The following OR5H15 variants were observed in gnomAD, a reference collection of about 807,000 sequenced individuals.
The protein encoded by OR5H15 is olfactory receptor 5H15.
For synonymous variants in OR5H15, 153 were observed against 129.1 expected (o/e 1.19, Z -1.26); for missense variants, 405 against 366.1 (o/e 1.11, Z -0.87).
At position 98,168,606 on chromosome 3, in the gene OR5H15, T is replaced by C. The variant is rs72933943; in HGVS notation, c.-18-76T>C. The stretch of plus-strand genomic sequence containing the variant: ...GGGTTCTGATCATTTTAGGGTTTAT[T>C]TCAACATCTCTTCCCCAATTTCAAC... On this transcript the variant is annotated intron_variant, in intron 1 of 1. Coordinates refer to ENST00000641450, the MANE Select transcript of OR5H15 (RefSeq NM_001005515.2). 9,636 of 1,515,554 alleles carry C rather than the reference T, an allele frequency of 6.4e-3. 401 individuals are homozygous for C. In the African/African-American group the frequency reaches 0.098, roughly 15 times the overall value. The allele number at this position is 1,515,554 out of a possible 1,614,324, so 93.9% of individuals were successfully genotyped here.
At position 98,169,489 on chromosome 3, in the gene OR5H15, T is replaced by C. The variant is rs1207092250; in HGVS notation, c.790T>C (p.Ser264Pro). The change falls in exon 2 of 2, where the codon TCT (serine) becomes CCT (proline). Residue 264 changes from serine to proline, a missense_variant. Transcript: ENST00000641450. ...TCTCTTAATGTATGTGGGCCCTGCA[T>C]CTCCGCAAGCAGATGGTCAAAATAT... ...PLLLMYVGPA[S>P]PQADGQNMVE... 1.2e-6 allele frequency: 2 copies of C among 1,613,604 alleles called. No homozygotes were observed. Among genetic ancestry groups the C allele is most frequent in the Non-Finnish European group, 1.7e-6 (2 of 1,179,692 alleles).
At chr3:98,168,285 C>A (rs1249664455) in intron 1 of OR5H15, among the ~76,000 whole-genome samples, 4 of 151,988 alleles carry the variant, frequency 2.6e-5, no homozygotes, top group Admixed American at 6.6e-5. Flanking sequence ...ATTTTTGGTA[C>A]ATGCTTAACG....
At chr3:98,166,871 T>C (rs1351332932) in intron 1 of OR5H15, 40 bp downstream of exon 1, 1 of 152,314 alleles carries the variant, frequency 6.6e-6, no homozygotes, top group South Asian at 2.1e-4. Flanking sequence ...TTATGCCTTA[T>C]AGAAATGTTG....
At position 98,169,166 on chromosome 3, in the gene OR5H15, C is replaced by T; in HGVS notation, c.467C>T (p.Ala156Val). 1.2e-6 allele frequency: 2 copies of T among 1,613,448 alleles called. No individual in the cohort carries two copies. Among genetic ancestry groups the T allele is most frequent in the Non-Finnish European group, 1.7e-6 (2 of 1,179,638 alleles). Reference protein sequence around the residue: ...ILSYIAGILHALIHEGFLFRL... With the variant: ...ILSYIAGILHVLIHEGFLFRL... ...TCATATATAGCTGGTATTCTTCATGCTTTAATCCATGAAGGATTTTTATTC... is the reference window on the plus strand; with the variant it reads ...TCATATATAGCTGGTATTCTTCATGTTTTAATCCATGAAGGATTTTTATTC... Residue 156 changes from alanine (A) to valine (V), a missense_variant, in exon 2 of 2, where the codon GCT becomes GTT. Transcript: ENST00000641450.
Position 98,169,019 on chromosome 3 carries a change from G to T in OR5H15, c.320G>T (p.Gly107Val). The T allele has an allele frequency of 6.2e-7, 1 of 1,613,588 alleles. No homozygotes were observed. The highest frequency in any genetic ancestry group is 1.1e-5 in the South Asian group (1 of 91,062). Residue 107 changes from glycine (G) to valine (V), a missense_variant, in exon 2 of 2, where the codon GGC becomes GTC. Physicochemically the swap from Gly to Val is moderately radical, Grantham distance 109. Transcript: ENST00000641450. ...CKIQFFSIAI[G>V]VTTECFLLAT... is the part of the protein sequence containing the mutation. ...ATACAATTTTTTTCCATTGCAATTG[G>T]CGTAACCACAGAATGTTTTCTCTTG...
chr3:98,167,312 A>G (rs912262656), intron 1 of OR5H15, among the ~76,000 whole-genome samples: 17 of 152,074 alleles, frequency 1.1e-4, no homozygotes, highest in African/African-American at 3.9e-4. Flanking sequence ...TAAAGGTTGC[A>G]TTAAGTAGAG....
chr3:98,169,410 C>A lies in OR5H15; in HGVS notation c.711C>A (p.Ala237=). The A allele has an allele frequency of 1.2e-6, 2 of 1,613,540 alleles. No individual in the cohort carries two copies. The highest frequency in any genetic ancestry group is 1.7e-6 in the Non-Finnish European group (2 of 1,179,690). ...EKKSDKGVRK[A]FSTCGAHLFS... The stretch of plus-strand genomic sequence containing the variant: ...AATCTGATAAGGGTGTAAGGAAAGC[C>A]TTTTCCACCTGTGGAGCCCATCTCT... The change falls in exon 2 of 2, where the codon GCC becomes GCA. Residue 237 remains alanine (A), a synonymous_variant. Transcript: ENST00000641450.
chr3:98,167,920 T>G (rs368461417), intron 1 of OR5H15, among the ~76,000 whole-genome samples: 1 of 152,118 alleles, frequency 6.6e-6, no homozygotes, highest in Admixed American at 6.6e-5. Flanking sequence ...CTAGAGACTC[T>G]ACATTCTGAA....
rs145668436 is a variant in OR5H15 at position 98,169,327 on chromosome 3, A to G, written c.628A>G (p.Ser210Gly). 9.9e-6 allele frequency: 16 copies of G among 1,612,370 alleles called. No homozygotes were observed. In the African/African-American group the frequency reaches 2.0e-4, roughly 20 times the overall value. Residue 210 changes from serine (S) to glycine (G), a missense_variant, in exon 2 of 2, where the codon AGC becomes GGC. Ser to Gly is a moderately conservative substitution (Grantham distance 56). Coordinates refer to ENST00000641450, the MANE Select transcript of OR5H15 (RefSeq NM_001005515.2). ...FIFSGSIQVF[S>G]IVTILISYTF... ...TTTCTCAGGTTCAATTCAGGTATTCAGCATTGTGACTATTCTTATATCTTA... is the reference window on the plus strand; with the variant it reads ...TTTCTCAGGTTCAATTCAGGTATTCGGCATTGTGACTATTCTTATATCTTA...
intron 1 of OR5H15, among the ~76,000 whole-genome samples, chr3:98,167,944 AT>A (rs1207632430): frequency 1.3e-5 from 2 of 152,052 alleles, no homozygotes; most frequent in African/African-American, 2.4e-5. Context: ...CTTAGAATCT[AT>A]TTATTTGTTT....
rs72487747 is a variant in OR5H15, at chr3:98,167,272, C to T, written c.-19+441C>T. Among the ~76,000 whole-genome samples the T allele has an allele frequency of 9.2e-5, 14 of 152,190 alleles. No individual in the cohort carries two copies. In the East Asian group the frequency reaches 2.3e-3, roughly 25 times the overall value. On this transcript the variant is annotated intron_variant, in intron 1 of 1. Coordinates refer to ENST00000641450, the MANE Select transcript of OR5H15 (RefSeq NM_001005515.2). Reference sequence around the variant, plus strand: ...AAACCCATGTTTGTCAATAATTTGACAGCTCACACTGTAAGTGTATTGATA... The same window carrying T: ...AAACCCATGTTTGTCAATAATTTGATAGCTCACACTGTAAGTGTATTGATA...
chr3:98,167,377 TTCTC>T (rs66733083), intron 1 of OR5H15, among the ~76,000 whole-genome samples: 38,465 of 149,160 alleles, frequency 0.26, 5,265 homozygotes, highest in African/African-American at 0.33. Flanking sequence ...GTCCCTGTAC[TTCTC>T]TCTCTCTCTC....
chr3:98,167,751 A>G (rs1006747458), intron 1 of OR5H15, among the ~76,000 whole-genome samples: 1 of 152,068 alleles, frequency 6.6e-6, no homozygotes, highest in Non-Finnish European at 1.5e-5. Flanking sequence ...ATAGGCTCAT[A>G]TTATGATCGG....
chr3:98,168,288 G>A (rs193120602), intron 1 of OR5H15, among the ~76,000 whole-genome samples: 12 of 152,066 alleles, frequency 7.9e-5, no homozygotes. Flanking sequence ...TTTGGTACAT[G>A]CTTAACGTAT....
At position 98,169,518 on chromosome 3, in the gene OR5H15, G is replaced by A; in HGVS notation, c.819G>A (p.Val273=). 6.2e-7 allele frequency: 1 copy of A among 1,613,304 alleles called. No homozygotes were observed. Among genetic ancestry groups the A allele is most frequent in the South Asian group, 1.1e-5 (1 of 91,060 alleles). The change falls in exon 2 of 2, where the codon GTG becomes GTA. Residue 273 remains valine, a synonymous_variant. Transcript: ENST00000641450. ...ASPQADGQNM[V]EPLFYTVIIP... is the part of the protein sequence containing the mutation. The stretch of plus-strand genomic sequence containing the variant: ...CGCAAGCAGATGGTCAAAATATGGT[G>A]GAGCCTCTATTCTACACTGTCATCA...
At position 98,169,434 on chromosome 3, in the gene OR5H15, C is replaced by A. The variant is rs143813884; in HGVS notation, c.735C>A (p.Leu245=). 36 of 1,613,476 alleles carry A rather than the reference C, an allele frequency of 2.2e-5. No individual in the cohort carries two copies. The African/African-American group carries it at 4.7e-4, about 21-fold the overall frequency. The change falls in exon 2 of 2, where the codon CTC becomes CTA. Residue 245 remains leucine (L), a synonymous_variant. Coordinates refer to ENST00000641450, the MANE Select transcript of OR5H15 (RefSeq NM_001005515.2). ...CCTTTTCCACCTGTGGAGCCCATCT[C>A]TTCTCTGTCTGTTTATACTATGGCC... ...RKAFSTCGAH[L]FSVCLYYGPL...
At chr3:98,167,899 G>A (rs937504474) in intron 1 of OR5H15, among the ~76,000 whole-genome samples, 1 of 151,968 alleles carries the variant, frequency 6.6e-6, no homozygotes, top group Non-Finnish European at 1.5e-5. Flanking sequence ...TACAAAATAT[G>A]TCACAGAATA....
intron 1 of OR5H15, 108 bp from the exon 2 acceptor site, chr3:98,168,574 A>T: frequency 8.0e-7 from 1 of 1,250,774 alleles, no homozygotes; most frequent in Non-Finnish European, 1.1e-6. Context: ...TGATCAAAAA[A>T]TTGAGAGGGT....
Position 98,169,330 on chromosome 3 carries a change from A to G in OR5H15, c.631A>G (p.Ile211Val), listed in dbSNP as rs200887132. The G allele has an allele frequency of 4.7e-5, 76 of 1,612,576 alleles. No homozygotes were observed. Among genetic ancestry groups the G allele is most frequent in the Non-Finnish European group, 6.0e-5 (71 of 1,179,074 alleles). The change falls in exon 2 of 2, where the codon ATT becomes GTT. Residue 211 changes from isoleucine to valine, a missense_variant. Physicochemically the swap from Ile to Val is conservative, Grantham distance 29 (BLOSUM62 3). Coordinates refer to ENST00000641450, the MANE Select transcript of OR5H15 (RefSeq NM_001005515.2). ...IFSGSIQVFS[I>V]VTILISYTFV... is the part of the protein sequence containing the mutation. ...CTCAGGTTCAATTCAGGTATTCAGC[A>G]TTGTGACTATTCTTATATCTTACAC...
Sources: gnomAD v4.1 joint callset for allele counts (sites outside exome capture counted in the v4.1 genomes callset) on GRCh38, gnomAD v4.1.1 for gene constraint, MANE v1.5 for transcripts, NCBI Gene and HGNC (gene_info 2026-07-23, HGNC 2026-07-21) for gene names.